CDKAL1: variants seen among roughly 807,000 people sequenced by gnomAD.
CDKAL1 encodes CDKAL1 threonylcarbamoyladenosine tRNA methylthiotransferase.
In CDKAL1, 32 loss-of-function variants were observed where a neutral mutation model predicts 68.2. The observed-to-expected ratio is 0.47, with a 90% CI of 0.35 to 0.63. The LOEUF is 0.63. Among genes scored for constraint, CDKAL1 ranks in the 30% least tolerant of loss-of-function variants. The pLI is 0.00. For synonymous variants in CDKAL1, 234 were observed against 244.3 expected (o/e 0.96, Z 0.39); for missense variants, 606 against 696.7 (o/e 0.87, Z 1.47).
intron 11 of CDKAL1, among the ~76,000 whole-genome samples, chr6:21,025,387 T>A (rs1768898586): frequency 6.6e-6 from 1 of 152,164 alleles, no homozygotes; most frequent in African/African-American, 2.4e-5. Context: ...TCTGCTCTAG[T>A]TTTGTTGTTT....
At chr6:21,112,990 A>G (rs1239376845) in intron 13 of CDKAL1, among the ~76,000 whole-genome samples, 2 of 152,214 alleles carry the variant, frequency 1.3e-5, no homozygotes, top group African/African-American at 4.8e-5. Context: ...AATAGCAGGT[A>G]AAAGAGGGTA....
chr6:20,572,118 G>A (rs1184067397), intron 4 of CDKAL1, among the ~76,000 whole-genome samples: 2 of 152,116 alleles, frequency 1.3e-5, no homozygotes, highest in Non-Finnish European at 2.9e-5. Flanking sequence ...CTTTACCCCT[G>A]TTGGAGGCAG....
intron 11 of CDKAL1, among the ~76,000 whole-genome samples, chr6:21,012,792 T>C (rs1768094540): frequency 6.6e-6 from 1 of 152,138 alleles, no homozygotes; most frequent in East Asian, 1.9e-4. Flanking sequence ...TTAGGGTGAA[T>C]GCTCTTCTGA....
intron 9 of CDKAL1, among the ~76,000 whole-genome samples, chr6:20,909,248 G>A (rs796137682): frequency 3.0e-4 from 46 of 151,312 alleles, no homozygotes; most frequent in African/African-American, 1.1e-3. Context: ...AGCCCCTATG[G>A]TACAGAATTC....
chr6:20,596,086 G>C (rs184018194), intron 4 of CDKAL1, among the ~76,000 whole-genome samples: 2 of 152,298 alleles, frequency 1.3e-5, no homozygotes, highest in African/African-American at 4.8e-5. Flanking sequence ...TCCTGTATGA[G>C]GTGTCTGTCA....
At chr6:20,981,634 G>C (rs914053155) in intron 10 of CDKAL1, among the ~76,000 whole-genome samples, 10 of 152,210 alleles carry the variant, frequency 6.6e-5, no homozygotes, top group Admixed American at 6.5e-4. Flanking sequence ...GAGGTCAGGA[G>C]TTTGAGACCA....
intron 4 of CDKAL1, among the ~76,000 whole-genome samples, chr6:20,561,450 A>G (rs1392572585): frequency 2.2e-5 from 2 of 91,448 alleles, no homozygotes; most frequent in Non-Finnish European, 5.0e-5. Context: ...AAAAAAGAAA[A>G]AAAAAAAAAA....
At chr6:21,104,819 T>G (rs1328476077) in intron 12 of CDKAL1, among the ~76,000 whole-genome samples, 2 of 152,204 alleles carry the variant, frequency 1.3e-5, no homozygotes, top group African/African-American at 4.8e-5. Flanking sequence ...TCGAGATAAT[T>G]AGGATAAAAA....
chr6:20,874,943 TTG>T (rs1760422070), intron 9 of CDKAL1, among the ~76,000 whole-genome samples: 1 of 152,080 alleles, frequency 6.6e-6, no homozygotes, highest in Non-Finnish European at 1.5e-5. Flanking sequence ...CAAAGAGAGG[TTG>T]TGTCAAAAAA....
chr6:20,806,022 A>G (rs1776557642), intron 8 of CDKAL1, among the ~76,000 whole-genome samples: 1 of 152,180 alleles, frequency 6.6e-6, no homozygotes, highest in Non-Finnish European at 1.5e-5. Flanking sequence ...AGGTTCAGCA[A>G]TGTGTGTAAT....
intron 5 of CDKAL1, among the ~76,000 whole-genome samples, chr6:20,668,164 C>T (rs1192283916): frequency 1.3e-5 from 2 of 152,120 alleles, no homozygotes; most frequent in Admixed American, 6.6e-5. Context: ...AAAGGTTCCT[C>T]ATTCTTTATA....
intron 8 of CDKAL1, among the ~76,000 whole-genome samples, chr6:20,804,971 GCTTTA>G (rs1406129130): frequency 6.6e-6 from 1 of 152,152 alleles, no homozygotes; most frequent in Non-Finnish European, 1.5e-5. Context: ...GTTGCAGTGA[GCTTTA>G]CTTGTGCCAC....
At chr6:20,894,342 C>G (rs780651879) in intron 9 of CDKAL1, among the ~76,000 whole-genome samples, 1 of 151,122 alleles carries the variant, frequency 6.6e-6, no homozygotes, top group Non-Finnish European at 1.5e-5. Flanking sequence ...GGTAAATTTA[C>G]CAGTACTAGA....
chr6:20,920,794 G>A (rs933858637), intron 9 of CDKAL1, among the ~76,000 whole-genome samples: 1 of 152,146 alleles, frequency 6.6e-6, no homozygotes, highest in Admixed American at 6.5e-5. Flanking sequence ...TCTTAGTTTA[G>A]TAGACTGATT....
chr6:21,170,904 G>A (rs1021341648), intron 13 of CDKAL1, among the ~76,000 whole-genome samples: 1 of 152,128 alleles, frequency 6.6e-6, no homozygotes, highest in Non-Finnish European at 1.5e-5. Flanking sequence ...TTAATCAGCA[G>A]TATTTTTAAA....
intron 11 of CDKAL1, among the ~76,000 whole-genome samples, chr6:21,044,890 G>C (rs559504444): frequency 6.6e-6 from 1 of 152,298 alleles, no homozygotes; most frequent in Admixed American, 6.5e-5. Context: ...AGGCTGGGAA[G>C]TCTATGATCA....
intron 5 of CDKAL1, among the ~76,000 whole-genome samples, chr6:20,715,661 T>G (rs1361009466): frequency 6.6e-6 from 1 of 152,236 alleles, no homozygotes; most frequent in Non-Finnish European, 1.5e-5. Context: ...TGTACCAATC[T>G]ACATTCCTTC....
chr6:21,216,124 A>G (rs560615429), intron 15 of CDKAL1, among the ~76,000 whole-genome samples: 2 of 152,330 alleles, frequency 1.3e-5, no homozygotes, highest in South Asian at 2.1e-4. Context: ...AGGAGTCCAC[A>G]TCACACTTGA....
intron 12 of CDKAL1, among the ~76,000 whole-genome samples, chr6:21,096,689 C>A (rs756054061): frequency 1.3e-5 from 2 of 151,918 alleles, no homozygotes; most frequent in Non-Finnish European, 2.9e-5. Context: ...TATTATTAAG[C>A]AAATGGTAAA....
Sources: gnomAD v4.1 joint callset for allele counts (sites outside exome capture counted in the v4.1 genomes callset) on GRCh38, gnomAD v4.1.1 for gene constraint, MANE v1.5 for transcripts, NCBI Gene and HGNC (gene_info 2026-07-23, HGNC 2026-07-21) for gene names.